Variants in TRDN observed in about 807,000 individuals in gnomAD.
The protein encoded by TRDN is triadin in skeletal muscle.
In TRDN, 161 loss-of-function variants were observed where a neutral mutation model predicts 149.7. The ratio of observed to expected loss-of-function variants is 1.08; its 90% CI spans 0.95 to 1.23. TRDN has a LOEUF of 1.23. Among genes scored for constraint, TRDN ranks in the 50% most tolerant of loss-of-function variants. TRDN has a pLI of 0.00. For synonymous variants in TRDN, 294 were observed against 250.5 expected, an observed-to-expected ratio of 1.17 and a Z score of -1.64; for missense variants, 896 against 823.5, an observed-to-expected ratio of 1.09 and a Z score of -1.08.
intron 38 of TRDN, among the ~76,000 whole-genome samples, chr6:123,227,528 G>A (rs1048468194): frequency 6.6e-6 from 1 of 151,880 alleles, no homozygotes; most frequent in Non-Finnish European, 1.5e-5. Context: ...GAGCTGGCAA[G>A]ATGTCTGAAA....
chr6:123,320,515 A>C (rs1317700290), intron 23 of TRDN, among the ~76,000 whole-genome samples: 2 of 151,800 alleles, frequency 1.3e-5, no homozygotes, highest in African/African-American at 2.4e-5. Flanking sequence ...AAATGTTATT[A>C]TTAGACTCAA....
chr6:123,279,739 GA>G (rs1176594137), intron 24 of TRDN, among the ~76,000 whole-genome samples: 14 of 151,848 alleles, frequency 9.2e-5, no homozygotes, highest in African/African-American at 3.4e-4. Flanking sequence ...GAACATATTT[GA>G]CCATATTGAT....
intron 1 of TRDN, among the ~76,000 whole-genome samples, chr6:123,586,258 G>A (rs984903193): frequency 6.6e-6 from 1 of 152,138 alleles, no homozygotes; most frequent in African/African-American, 2.4e-5. Flanking sequence ...AGCCGGACCG[G>A]GTGTGAGGAG....
At chr6:123,277,009 G>A (rs973951713) in intron 26 of TRDN, among the ~76,000 whole-genome samples, 1 of 152,076 alleles carries the variant, frequency 6.6e-6, no homozygotes, top group African/African-American at 2.4e-5. Flanking sequence ...TTTGAAATAT[G>A]CTAGGTTTTG....
At chr6:123,494,922 CG>C (rs1778377241) in intron 9 of TRDN, among the ~76,000 whole-genome samples, 1 of 151,766 alleles carries the variant, frequency 6.6e-6, no homozygotes, top group Non-Finnish European at 1.5e-5. Context: ...TTAGTAGAGA[CG>C]GGGTTTCACC....
chr6:123,330,265 C>T (rs1003803084), intron 23 of TRDN, among the ~76,000 whole-genome samples: 2 of 151,910 alleles, frequency 1.3e-5, no homozygotes, highest in African/African-American at 2.4e-5. Flanking sequence ...TGGTATCTAA[C>T]CATTTCAACT....
chr6:123,489,951 T>G (rs1778140878), intron 9 of TRDN, among the ~76,000 whole-genome samples: 1 of 152,020 alleles, frequency 6.6e-6, no homozygotes, highest in African/African-American at 2.4e-5. Context: ...TTCAGAATTA[T>G]TTTTTCCATC....
intron 13 of TRDN, among the ~76,000 whole-genome samples, chr6:123,393,408 T>C (rs1053301203): frequency 2.6e-5 from 4 of 152,102 alleles, no homozygotes; most frequent in African/African-American, 9.7e-5. Flanking sequence ...TCTTGGGTCC[T>C]TCAGCAGTTC....
intron 24 of TRDN, among the ~76,000 whole-genome samples, chr6:123,285,246 A>T (rs988669054): frequency 3.9e-5 from 6 of 152,146 alleles, no homozygotes; most frequent in African/African-American, 1.4e-4. Context: ...AAGACTAAGC[A>T]AAAAGAACAA....
chr6:123,498,506 G>A (rs1195913397), intron 8 of TRDN: 1 of 470,314 alleles, frequency 2.1e-6, no homozygotes, highest in African/African-American at 2.0e-5. Flanking sequence ...TATTTTAGTT[G>A]TTGAAATTGG....
At chr6:123,580,036 T>C (rs1177550913) in intron 1 of TRDN, among the ~76,000 whole-genome samples, 5 of 152,212 alleles carry the variant, frequency 3.3e-5, no homozygotes, top group Non-Finnish European at 7.3e-5. Flanking sequence ...CAGTTCTTTA[T>C]AGCAGTATGA....
intron 24 of TRDN, among the ~76,000 whole-genome samples, chr6:123,302,586 A>C (rs1246699047): frequency 6.6e-6 from 1 of 152,146 alleles, no homozygotes; most frequent in Non-Finnish European, 1.5e-5. Flanking sequence ...GTGCATAGTC[A>C]TTCAACAGAT....
chr6:123,389,845 A>G (rs897862687), intron 13 of TRDN, among the ~76,000 whole-genome samples: 3 of 152,148 alleles, frequency 2.0e-5, no homozygotes, highest in African/African-American at 7.2e-5. Flanking sequence ...TGATATAATA[A>G]GGATAAAAAC....
chr6:123,239,770 GC>G (rs1775918870), intron 38 of TRDN, among the ~76,000 whole-genome samples: 1 of 151,926 alleles, frequency 6.6e-6, no homozygotes, highest in Admixed American at 6.6e-5. Flanking sequence ...AAAATTTATT[GC>G]TGTTACATAC....
chr6:123,235,144 G>A (rs956653173), intron 38 of TRDN, among the ~76,000 whole-genome samples: 7 of 152,094 alleles, frequency 4.6e-5, no homozygotes, highest in Non-Finnish European at 8.8e-5. Context: ...AATCTACAAG[G>A]AATCAAAGTC....
At chr6:123,229,589 A>G (rs1484648410) in intron 38 of TRDN, among the ~76,000 whole-genome samples, 2 of 151,980 alleles carry the variant, frequency 1.3e-5, no homozygotes, top group African/African-American at 4.8e-5. Context: ...TTCATGGCCA[A>G]TGGGATTTTT....
At chr6:123,385,596 G>GA (rs1224099829) in intron 14 of TRDN, among the ~76,000 whole-genome samples, 1 of 152,028 alleles carries the variant, frequency 6.6e-6, no homozygotes, top group Admixed American at 6.6e-5. Flanking sequence ...ATTTTGCTTT[G>GA]TTTTTCAGCA....
At chr6:123,307,906 A>G (rs1778671570) in intron 24 of TRDN, among the ~76,000 whole-genome samples, 1 of 151,966 alleles carries the variant, frequency 6.6e-6, no homozygotes, top group South Asian at 2.1e-4. Flanking sequence ...CAGGGTTGTT[A>G]CCTGGGTATA....
intron 2 of TRDN, among the ~76,000 whole-genome samples, chr6:123,569,741 A>G (rs1301254542): frequency 6.6e-6 from 1 of 151,996 alleles, no homozygotes; most frequent in Non-Finnish European, 1.5e-5. Flanking sequence ...CACACACTTA[A>G]ACAACCAGAT....
Sources: allele counts gnomAD v4.1 joint callset (sites outside exome capture counted in the v4.1 genomes callset), GRCh38; gene constraint gnomAD v4.1.1; transcripts MANE v1.5; gene names NCBI Gene and HGNC (gene_info 2026-07-23, HGNC 2026-07-21).